Variants in EML6 observed in about 807,000 individuals in gnomAD.
EML6 encodes echinoderm microtubule-associated protein-like 6.
In EML6, 154 loss-of-function variants were observed where a neutral mutation model predicts 240.1. The observed-to-expected ratio is 0.64, with a 90% CI of 0.56 to 0.73. The LOEUF (loss-of-function observed/expected upper bound fraction) is 0.73. Among genes scored for constraint, EML6 ranks in the 30% least tolerant of loss-of-function variants. The pLI is 0.00. For synonymous variants in EML6, 1,148 were observed against 899.0 expected (o/e 1.28, Z -4.95); for missense variants, 2,964 against 2,474.6 (o/e 1.20, Z -4.20).
chr2:54,934,045 C>T (rs974419535), intron 28 of EML6, among the ~76,000 whole-genome samples: 18 of 152,246 alleles, frequency 1.2e-4, no homozygotes, highest in Middle Eastern at 3.4e-3. Flanking sequence ...TGGTCCATAG[C>T]GTATTGTCTT....
intron 11 of EML6, among the ~76,000 whole-genome samples, chr2:54,857,127 G>T (rs571355700): frequency 2.1e-4 from 32 of 152,174 alleles, no homozygotes; most frequent in Non-Finnish European, 4.4e-4. Flanking sequence ...TTGTCTCTGG[G>T]AGTGCACATA....
intron 28 of EML6, among the ~76,000 whole-genome samples, chr2:54,941,948 C>G (rs773148328): frequency 6.6e-6 from 1 of 152,174 alleles, no homozygotes; most frequent in African/African-American, 2.4e-5. Context: ...TCTATTAAAC[C>G]CAGAAATGCT....
At chr2:54,783,223 TAAG>T (rs1668931493) in intron 2 of EML6, among the ~76,000 whole-genome samples, 1 of 152,242 alleles carries the variant, frequency 6.6e-6, no homozygotes, top group African/African-American at 2.4e-5. Flanking sequence ...TCTCATAAAA[TAAG>T]AAATTATTCA....
chr2:54,841,670 A>G (rs1038908296), intron 7 of EML6, among the ~76,000 whole-genome samples: 8 of 148,444 alleles, frequency 5.4e-5, no homozygotes, highest in African/African-American at 2.0e-4. Flanking sequence ...GCTCACTGCA[A>G]GTCCCTCCGC....
Position 54,850,041 on chromosome 2 carries a change from C to T in EML6, c.1267C>T (p.Leu423Phe), listed in dbSNP as rs1379163089. The T allele has an allele frequency of 2.6e-6, 4 of 1,551,792 alleles. No individual in the cohort carries two copies. The highest frequency in any genetic ancestry group is 1.4e-5 in the African/African-American group (1 of 73,048). ...EMKFSPDGSY[L>F]AVGSNDGPVD... ...GAAATTTTCTCCAGATGGTTCTTAC[C>T]TTGCAGTGGGATCCAATGATGGCCC... The change falls in exon 10 of 42, where the codon CTT becomes TTT. Residue 423 changes from leucine (L) to phenylalanine (F), a missense_variant. Physicochemically the swap from Leu to Phe is conservative, Grantham distance 22 (BLOSUM62 0). Transcript: ENST00000356458.
chr2:54,778,006 C>G (rs777518129), intron 2 of EML6, among the ~76,000 whole-genome samples: 14 of 152,080 alleles, frequency 9.2e-5, no homozygotes, highest in Non-Finnish European at 1.6e-4. Flanking sequence ...ATGTTCAGCT[C>G]TATAAAAGAT....
chr2:54,840,143 C>G (rs1669365829), intron 7 of EML6, among the ~76,000 whole-genome samples: 1 of 152,130 alleles, frequency 6.6e-6, no homozygotes, highest in African/African-American at 2.4e-5. Context: ...AGATACTTGA[C>G]CAAATACAGC....
intron 24 of EML6, among the ~76,000 whole-genome samples, chr2:54,904,540 A>G (rs2104233822): frequency 6.6e-6 from 1 of 152,308 alleles, no homozygotes; most frequent in East Asian, 1.9e-4. Flanking sequence ...AGATAGCGCT[A>G]TCAAGGAAGA....
chr2:54,903,606 A>G, intron 24 of EML6, 104 bp downstream of exon 24: 1 of 579,500 alleles, frequency 1.7e-6, no homozygotes, highest in Non-Finnish European at 2.7e-6. Flanking sequence ...GAAATGGGAA[A>G]GGGGAATCCC....
chr2:54,951,053 G>T (rs1675949874), intron 30 of EML6, among the ~76,000 whole-genome samples: 1 of 152,180 alleles, frequency 6.6e-6, no homozygotes, highest in Admixed American at 6.5e-5. Flanking sequence ...CGACAGCCAT[G>T]GAGAAAAGCA....
chr2:54,785,735 A>ACATATACTTT (rs1669053320), intron 2 of EML6, among the ~76,000 whole-genome samples: 1 of 152,094 alleles, frequency 6.6e-6, no homozygotes, highest in Non-Finnish European at 1.5e-5. Context: ...ACCAGTGTTT[A>ACATATACTTT]CATATACTTT....
intron 26 of EML6, among the ~76,000 whole-genome samples, chr2:54,921,865 G>C (rs2104351864): frequency 6.6e-6 from 1 of 152,170 alleles, no homozygotes; most frequent in South Asian, 2.1e-4. Flanking sequence ...AGGGAAACTG[G>C]ATATCTACAT....
At chr2:54,788,078 G>T (rs759704396) in intron 2 of EML6, among the ~76,000 whole-genome samples, 2 of 152,240 alleles carry the variant, frequency 1.3e-5, no homozygotes, top group African/African-American at 2.4e-5. Context: ...CCCTTCGCAC[G>T]TGTTTTCTTT....
Sources: gnomAD v4.1 joint callset for allele counts (sites outside exome capture counted in the v4.1 genomes callset) on GRCh38, gnomAD v4.1.1 for gene constraint, MANE v1.5 for transcripts, NCBI Gene and HGNC (gene_info 2026-07-23, HGNC 2026-07-21) for gene names.